ATAD3C: variants seen among roughly 807,000 people sequenced by gnomAD.
The protein encoded by ATAD3C is ATPase family AAA domain containing 3C.
In ATAD3C, 38 loss-of-function variants were observed where a neutral mutation model predicts 46.3. That is an observed-to-expected ratio of 0.82 (90% CI 0.63 to 1.08). The LOEUF (loss-of-function observed/expected upper bound fraction) is 1.08. ATAD3C is among the 50% of genes least tolerant of loss of function. The pLI is 0.00. For missense variants in ATAD3C, 563 were observed against 572.7 expected, an observed-to-expected ratio of 0.98 and a Z score of 0.17; for synonymous variants, 220 against 236.4, an observed-to-expected ratio of 0.93 and a Z score of 0.63.
chr1:1,459,625 C>T lies in ATAD3C; in HGVS notation c.812+394C>T, dbSNP rs571833709. On this transcript the variant is annotated intron_variant, in intron 9 of 11. Transcript: ENST00000378785. This position sits in a 1 kb window ranked among gnomAD's most constrained non-coding sequence, Gnocchi z 4.9. ...GGAGATGGAGACAAGTTTGCTCCCACGGGAAGTTGGACACCAGCAGGTCCT... is the reference window on the plus strand; with the variant it reads ...GGAGATGGAGACAAGTTTGCTCCCATGGGAAGTTGGACACCAGCAGGTCCT... Among the ~76,000 whole-genome samples, 743 of 151,694 alleles carry T rather than the reference C, an allele frequency of 4.9e-3. 9 individuals are homozygous for T. Among genetic ancestry groups the T allele is most frequent in the Admixed American group, 0.012 (188 of 15,234 alleles).
In ATAD3C at chr1:1,462,813, G is replaced by C; in HGVS notation, c.1089+105G>C. 1 of 1,365,772 alleles carries C rather than the reference G, an allele frequency of 7.3e-7. No homozygotes were observed. The highest frequency in any genetic ancestry group is 1.3e-5 in the South Asian group (1 of 74,528). The allele number at this position is 1,365,772 out of a possible 1,614,324, so 84.6% of individuals were successfully genotyped here. A position where few individuals can be genotyped will look rare whatever the true frequency, so the allele number is the denominator to read the frequency against. On this transcript the variant is annotated intron_variant, in intron 11 of 11. Transcript: ENST00000378785. This position sits in a 1 kb window ranked among gnomAD's most constrained non-coding sequence, Gnocchi z 4.5. ...GCACCGGTGTCACGTGGGAGCTTCT[G>C]TTGAGGGGTTTTCAGTGCACAGATG... is the stretch of plus-strand genomic sequence containing the variant.
chr1:1,460,691 C>T (rs1211024228), intron 9 of ATAD3C, 59 bp from the exon 10 acceptor site: 5 of 1,509,504 alleles, frequency 3.3e-6, no homozygotes, highest in Non-Finnish European at 4.4e-6. Context: ...AGCACCTGTT[C>T]CCCTGGGGAC....
intron 1 of ATAD3C, among the ~76,000 whole-genome samples, chr1:1,451,207 AT>A (rs571462931): frequency 6.6e-6 from 1 of 150,764 alleles, no homozygotes; most frequent in Non-Finnish European, 1.5e-5. Flanking sequence ...CGCCCAGCTA[AT>A]TTTTTTTGTA....
At chr1:1,451,641 C>G (rs545578362) in intron 1 of ATAD3C, among the ~76,000 whole-genome samples, 1 of 152,126 alleles carries the variant, frequency 6.6e-6, no homozygotes, top group South Asian at 2.1e-4. Context: ...CCACGGTGCC[C>G]GGCCGGTCAC....
chr1:1,460,899 C>T lies in ATAD3C; in HGVS notation c.962C>T (p.Pro321Leu), dbSNP rs376533229. 75 of 1,609,618 alleles carry T rather than the reference C, an allele frequency of 4.7e-5. 1 individual carries two copies. The highest frequency in any genetic ancestry group is 1.1e-4 in the African/African-American group (8 of 74,734). ...TATCTTAACGAGTATGTTCTTAAGC[C>T]GGCCACAGAAGGAAAGCGGTAAGTG... is the stretch of plus-strand genomic sequence containing the variant. ...RMYLNEYVLK[P>L]ATEGKRRLKL... is the part of the protein sequence containing the mutation. The change falls in exon 10 of 12, where the codon CCG becomes CTG. Residue 321 changes from proline to leucine, a missense_variant. Around this residue, in one of 3 missense-constraint regions of ATAD3C, gnomAD observed 273 missense variants for 253.5 expected, o/e 1.08. Coordinates refer to ENST00000378785, the MANE Select transcript of ATAD3C (RefSeq NM_001039211.3).
intron 3 of ATAD3C, 28 bp downstream of exon 3, chr1:1,452,462 CAGGTGGCTG>C (rs1638879150): frequency 1.2e-6 from 2 of 1,613,388 alleles, no homozygotes; most frequent in Non-Finnish European, 1.7e-6. Flanking sequence ...ACAGGGCTGG[CAGGTGGCTG>C]AGGGGCAGCA....
rs751887903 is a variant in ATAD3C at position 1,459,220 on chromosome 1, G to A, written c.801G>A (p.Gln267=). The change falls in exon 9 of 12, where the codon CAG becomes CAA. Residue 267 remains glutamine, a synonymous_variant. Coordinates refer to ENST00000378785, the MANE Select transcript of ATAD3C (RefSeq NM_001039211.3). The surrounding 1 kb of genome is among the most constrained non-coding windows in gnomAD (Gnocchi z 4.9). The stretch of plus-strand genomic sequence containing the variant: ...ACGCCTTCCTGTACCGCACGGGCCA[G>A]CACAGCAACAAGTGAGGGAGCCCCT... ...TLNAFLYRTG[Q]HSNKFMLILA... 20 of 1,612,576 alleles carry A rather than the reference G, an allele frequency of 1.2e-5. No homozygotes were observed. Among genetic ancestry groups the A allele is most frequent in the Non-Finnish European group, 1.6e-5 (19 of 1,179,628 alleles).
At chr1:1,465,091 G>T (rs1474378413) in intron 11 of ATAD3C, among the ~76,000 whole-genome samples, 1 of 150,738 alleles carries the variant, frequency 6.6e-6, no homozygotes, top group Non-Finnish European at 1.5e-5. Context: ...TCACCATGTT[G>T]GCCAGGCTGG....
At position 1,462,240 on chromosome 1, in the gene ATAD3C, C is replaced by A. The variant is rs1488311866; in HGVS notation, c.981-360C>A. The stretch of plus-strand genomic sequence containing the variant: ...TCCCTGGGCTCCCCGACACCCATGG[C>A]TGCTCGTAGCTCTGGCACCATGACC... On this transcript the variant is annotated intron_variant, in intron 10 of 11. Transcript: ENST00000378785. The surrounding 1 kb of genome is among the most constrained non-coding windows in gnomAD (Gnocchi z 4.5). Among the ~76,000 whole-genome samples the A allele has an allele frequency of 6.6e-6, 1 of 152,096 alleles. No individual in the cohort carries two copies. Among genetic ancestry groups the A allele is most frequent in the Non-Finnish European group, 1.5e-5 (1 of 67,992 alleles).
rs113446678 is a variant in ATAD3C at position 1,450,816 on chromosome 1, G to A, written c.75+58G>A. The A allele has an allele frequency of 3.4e-3, 5,469 of 1,604,258 alleles. 177 individuals are homozygous for A. In the African/African-American group the frequency reaches 0.063, roughly 18 times the overall value. Reference sequence around the variant, plus strand: ...GGCACACATGGGGTTCGGGCGTGGAGATTGGTAGGGCTACTGCCGGTGGGT... The same window carrying A: ...GGCACACATGGGGTTCGGGCGTGGAAATTGGTAGGGCTACTGCCGGTGGGT... On this transcript the variant is annotated intron_variant, in intron 1 of 11. Transcript: ENST00000378785.
At chr1:1,460,686 C>T in intron 9 of ATAD3C, 64 bp from the exon 10 acceptor site, 1 of 1,498,634 alleles carries the variant, frequency 6.7e-7, no homozygotes. Context: ...TGAGGAGCAC[C>T]TGTTCCCCTG....
At chr1:1,456,786 C>T (rs1447138230) in intron 7 of ATAD3C, among the ~76,000 whole-genome samples, 8 of 151,212 alleles carry the variant, frequency 5.3e-5, no homozygotes, top group South Asian at 2.1e-4. Flanking sequence ...GGGCACAGCC[C>T]GGGCACCCTT....
At chr1:1,452,797 CAAAAAAAA>C (rs150422909) in intron 3 of ATAD3C, among the ~76,000 whole-genome samples, 8 of 126,406 alleles carry the variant, frequency 6.3e-5, no homozygotes, top group African/African-American at 2.2e-4. Flanking sequence ...GGCTCCTTCT[CAAAAAAAA>C]AAAAAAGAAA....
Position 1,455,474 on chromosome 1 carries a change from G to T in ATAD3C, c.393G>T (p.Arg131=), listed in dbSNP as rs201954244. The change falls in exon 5 of 12, where the codon CGG becomes CGT. Residue 131 remains arginine, a synonymous_variant. Coordinates refer to ENST00000378785, the MANE Select transcript of ATAD3C (RefSeq NM_001039211.3). ...TTCCCCTCCAGCAGGTCAGCCGGCG[G>T]CTCCTCAGTCGACCCCAGGACGTGC... ...LRHPIQQVSR[R]LLSRPQDVLE... 592 of 1,612,580 alleles carry T rather than the reference G, an allele frequency of 3.7e-4. 5 individuals are homozygous for T. In the African/African-American group the frequency reaches 7.0e-3, roughly 19 times the overall value.
At chr1:1,464,979 G>A (rs1253364223) in intron 11 of ATAD3C, among the ~76,000 whole-genome samples, 2 of 151,444 alleles carry the variant, frequency 1.3e-5, no homozygotes, top group East Asian at 2.0e-4. Context: ...TCCGCCTCCC[G>A]GGTTAAAGTG....
chr1:1,450,871 T>G, intron 1 of ATAD3C, 113 bp downstream of exon 1: 1 of 1,501,552 alleles, frequency 6.7e-7, no homozygotes, highest in South Asian at 1.2e-5. Context: ...TGGGCAGCAG[T>G]GGGGCCCAGG....
intron 11 of ATAD3C, among the ~76,000 whole-genome samples, chr1:1,465,408 G>A (rs2100491097): frequency 6.6e-6 from 1 of 150,578 alleles, no homozygotes; most frequent in African/African-American, 2.4e-5. Context: ...TGGCTAACAT[G>A]GTGAAACCCC....
rs1213734626 is a variant in ATAD3C at position 1,463,304 on chromosome 1, C to T, written c.1089+596C>T. Among the ~76,000 whole-genome samples the T allele has an allele frequency of 2.0e-5, 3 of 152,058 alleles. No homozygotes were observed. The East Asian group carries it at 5.8e-4, about 29-fold the overall frequency. On this transcript the variant is annotated intron_variant, in intron 11 of 11. Transcript: ENST00000378785. ...TGGTCTTTGGGGGTTGCTGGAAAAG[C>T]AAAACCAGGTCTGTGGGGCAGAAGG...
intron 8 of ATAD3C, 111 bp downstream of exon 8, chr1:1,457,291 G>T: frequency 1.3e-6 from 2 of 1,558,574 alleles, no homozygotes; most frequent in South Asian, 2.2e-5. Context: ...TCTAAGTTTT[G>T]TGTGAAAAAC....
Sources: gnomAD v4.1 joint callset for allele counts (sites outside exome capture counted in the v4.1 genomes callset) on GRCh38, gnomAD v4.1.1 for gene constraint, gnomAD v4.1.1 regional missense constraint, Gnocchi (gnomAD v3.1) non-coding constraint, MANE v1.5 for transcripts, NCBI Gene and HGNC (gene_info 2026-07-23, HGNC 2026-07-21) for gene names.